The following CTH variants were observed in gnomAD, a reference collection of about 807,000 sequenced individuals.
CTH encodes cystathionase (cystathionine gamma-lyase).
Under a neutral mutation model 50.6 loss-of-function variants are expected in CTH, and 41 were observed. The observed-to-expected ratio is 0.81, with a 90% confidence interval of 0.63 to 1.05. The LOEUF (loss-of-function observed/expected upper bound fraction) is 1.05, where lower values mean the gene tolerates loss of function less well. Ranked by LOEUF, CTH falls within the 50% of genes least tolerant of loss-of-function variation. CTH has a pLI of 0.00. For synonymous variants in CTH, 156 were observed against 168.9 expected (o/e 0.92, Z 0.59); for missense variants, 470 against 492.6 (o/e 0.95, Z 0.43).
chr1:70,430,089 G>A (rs1260818779), intron 6 of CTH, among the ~76,000 whole-genome samples: 2 of 152,138 alleles, frequency 1.3e-5, no homozygotes, highest in East Asian at 1.9e-4. Flanking sequence ...TTATCTTGCT[G>A]ACACCTTAAA....
At chr1:70,427,992 C>T (rs1006049298) in intron 5 of CTH, among the ~76,000 whole-genome samples, 16 of 152,254 alleles carry the variant, frequency 1.1e-4, no homozygotes, top group Non-Finnish European at 1.8e-4. Flanking sequence ...GGATTACAGG[C>T]GTGAACCACC....
At chr1:70,438,997 G>T in intron 11 of CTH, 104 bp from the exon 12 acceptor site, 1 of 1,531,890 alleles carries the variant, frequency 6.5e-7, no homozygotes, top group Non-Finnish European at 9.0e-7. Context: ...CAGTCAAAGT[G>T]CATATTTAAA....
At chr1:70,432,334 C>T (rs898964084) in intron 8 of CTH, 99 bp downstream of exon 8, 32 of 1,429,476 alleles carry the variant, frequency 2.2e-5, no homozygotes, top group African/African-American at 1.8e-4. Context: ...GGTGCTTTCA[C>T]GTATTGTTTT....
At chr1:70,420,771 C>T (rs1483774649) in intron 3 of CTH, among the ~76,000 whole-genome samples, 1 of 152,050 alleles carries the variant, frequency 6.6e-6, no homozygotes, top group Non-Finnish European at 1.5e-5. Flanking sequence ...CCTTTAGATA[C>T]TTTTATAATG....
chr1:70,433,855 T>C lies in CTH; in HGVS notation c.905T>C (p.Leu302Ser), dbSNP rs749974812. Residue 302 changes from leucine to serine, a missense_variant, in exon 9 of 12, where the codon TTG becomes TCG. Leu to Ser is a moderately radical substitution (Grantham distance 145, BLOSUM62 -2). Transcript: ENST00000370938. Reference sequence around the variant, plus strand: ...CTGCCCTCTCATCCACAGCATGAGTTGGTGAAGCGTCAGTGTACAGGTTGT... The same window carrying C: ...CTGCCCTCTCATCCACAGCATGAGTCGGTGAAGCGTCAGTGTACAGGTTGT... Reference protein sequence around the residue: ...PGLPSHPQHELVKRQCTGCTG... With the variant: ...PGLPSHPQHESVKRQCTGCTG... 6.2e-7 allele frequency: 1 copy of C among 1,614,094 alleles called. No individual in the cohort carries two copies. The highest frequency in any genetic ancestry group is 1.1e-5 in the South Asian group (1 of 91,078).
At chr1:70,429,662 T>G in intron 5 of CTH, 132 bp from the exon 6 acceptor site, 1 of 676,086 alleles carries the variant, frequency 1.5e-6, no homozygotes, top group Non-Finnish European at 2.6e-6. Context: ...CCTGGAAAAT[T>G]TTAAGATGCA....
In CTH at chr1:70,429,791, C is replaced by T. The variant is rs201568449; in HGVS notation, c.589-3C>T. On this transcript the variant is annotated splice_polypyrimidine_tract_variant and splice_region_variant and intron_variant, in intron 5 of 11. Coordinates refer to ENST00000370938, the MANE Select transcript of CTH (RefSeq NM_001902.6). ...ATTTAAAGTAAAAAACTTGTTCTTT[C>T]AGCGCCCTTTGGCTCTGGGAGCTGA... is the stretch of plus-strand genomic sequence containing the variant. 5.1e-5 allele frequency: 82 copies of T among 1,610,106 alleles called. No homozygotes were observed. The highest frequency in any genetic ancestry group is 3.7e-5 in the Non-Finnish European group (43 of 1,176,848).
intron 1 of CTH, among the ~76,000 whole-genome samples, chr1:70,414,703 C>G (rs940094270): frequency 4.6e-5 from 7 of 152,184 alleles, no homozygotes; most frequent in Non-Finnish European, 8.8e-5. Flanking sequence ...CCGGTTTTGA[C>G]ACTCCCTAGG....
chr1:70,426,747 C>G (rs142734205), intron 5 of CTH, among the ~76,000 whole-genome samples: 22 of 152,278 alleles, frequency 1.4e-4, no homozygotes, highest in African/African-American at 4.8e-4. Context: ...TTCTATTTGT[C>G]CCAGGTGGTT....
intron 3 of CTH, 91 bp from the exon 4 acceptor site, chr1:70,421,475 C>T: frequency 7.5e-7 from 1 of 1,338,402 alleles, no homozygotes; most frequent in East Asian, 2.3e-5. Context: ...ACTGAGAGTT[C>T]CATATATTTT....
Position 70,429,951 on chromosome 1 carries a change from C to T in CTH, c.646+100C>T, listed in dbSNP as rs75972648. On this transcript the variant is annotated intron_variant, in intron 6 of 11. Coordinates refer to ENST00000370938, the MANE Select transcript of CTH (RefSeq NM_001902.6). ...TCTTTGATTATTTTGTAGATTATTTCCTGTGACTCATAGAGAGAGTAAAAA... is the reference window on the plus strand; with the variant it reads ...TCTTTGATTATTTTGTAGATTATTTTCTGTGACTCATAGAGAGAGTAAAAA... The T allele has an allele frequency of 1.9e-3, 1,688 of 878,614 alleles. 32 individuals are homozygous for T. The East Asian group carries it at 0.038, about 20-fold the overall frequency. 54.4% of individuals were successfully genotyped at this position (878,614 alleles called of 1,614,324 possible).
chr1:70,433,986 A>G (rs1684541790), intron 9 of CTH, 37 bp downstream of exon 9: 2 of 1,611,490 alleles, frequency 1.2e-6, no homozygotes, highest in African/African-American at 2.7e-5. Flanking sequence ...TGTAGGAGGT[A>G]AGGCCTTACA....
At chr1:70,430,246 A>G in intron 6 of CTH, 71 bp from the exon 7 acceptor site, 1 of 848,252 alleles carries the variant, frequency 1.2e-6, no homozygotes, top group Non-Finnish European at 2.0e-6. Context: ...TTTGAAAATT[A>G]TAAAATAAAG....
At chr1:70,435,062 AT>A in intron 9 of CTH, 62 bp from the exon 10 acceptor site, 1 of 1,482,180 alleles carries the variant, frequency 6.7e-7, no homozygotes, top group South Asian at 1.2e-5. Flanking sequence ...AAAAACATTT[AT>A]TTTTAGATTT....
intron 8 of CTH, 35 bp downstream of exon 8, chr1:70,432,270 G>A: frequency 6.2e-7 from 1 of 1,609,898 alleles, no homozygotes; most frequent in African/African-American, 1.3e-5. Flanking sequence ...GATCTACTAG[G>A]ATTTCAGCAG....
chr1:70,430,533 T>C (rs1240771274), intron 7 of CTH, 139 bp downstream of exon 7: 1 of 585,998 alleles, frequency 1.7e-6, no homozygotes, highest in Non-Finnish European at 3.0e-6. Flanking sequence ...AAATTCTGAT[T>C]TTTTTTATTT....
In CTH at chr1:70,439,498, G is replaced by A. The variant is rs183166406; in HGVS notation, c.*371G>A. The A allele has an allele frequency of 1.9e-4, 39 of 210,790 alleles. No individual in the cohort carries two copies. Among genetic ancestry groups the A allele is most frequent in the African/African-American group, 7.9e-4 (34 of 43,100 alleles). The allele number at this position is 210,790 out of a possible 1,614,324, so 13.1% of individuals were successfully genotyped here. Reference sequence around the variant, plus strand: ...TTTTGTGAAGAATTTAAATTTAAACGAATGTTCTTAAATCAAGTGTGATTT... The same window carrying A: ...TTTTGTGAAGAATTTAAATTTAAACAAATGTTCTTAAATCAAGTGTGATTT... On this transcript the variant is annotated 3_prime_UTR_variant, in exon 12 of 12. Transcript: ENST00000370938.
At chr1:70,437,013 C>T (rs1355021160) in intron 10 of CTH, among the ~76,000 whole-genome samples, 2 of 152,102 alleles carry the variant, frequency 1.3e-5, no homozygotes, top group Non-Finnish European at 1.5e-5. Context: ...TCTGTGTCTC[C>T]CAACTCTGCT....
intron 2 of CTH, among the ~76,000 whole-genome samples, chr1:70,416,784 C>T (rs58066222): frequency 0.09 from 13,695 of 151,686 alleles, 748 homozygotes; most frequent in East Asian, 0.17. Context: ...AGGCTGGTCT[C>T]GATCTCCTGA....
Sources: gnomAD v4.1 joint callset for allele counts (sites outside exome capture counted in the v4.1 genomes callset) on GRCh38, gnomAD v4.1.1 for gene constraint, MANE v1.5 for transcripts, NCBI Gene and HGNC (gene_info 2026-07-23, HGNC 2026-07-21) for gene names.